The following ADCY2 variants were observed in gnomAD, a reference collection of about 807,000 sequenced individuals.
The protein encoded by ADCY2 is adenylate cyclase 2, also known as adenylate cyclase type 2.
In ADCY2, 31 loss-of-function variants were observed where a neutral mutation model predicts 125.2. That is an observed-to-expected ratio of 0.25 (90% CI 0.19 to 0.33). The LOEUF is 0.33. ADCY2 is among the 10% of genes least tolerant of loss of function. ADCY2 has a pLI of 1.00. For synonymous variants in ADCY2, 512 were observed against 548.4 expected (o/e 0.93, Z 0.93); for missense variants, 904 against 1,418.2 (o/e 0.64, Z 5.82).
chr5:7,520,646 T>C (rs1327481114), intron 2 of ADCY2, 92 bp from the exon 3 acceptor site: 16 of 1,391,992 alleles, frequency 1.1e-5, no homozygotes, highest in Admixed American at 1.1e-4. Flanking sequence ...TGTCTCATGC[T>C]GTTCTATGCA....
At chr5:7,598,275 C>T (rs1244839063) in intron 3 of ADCY2, among the ~76,000 whole-genome samples, 1 of 152,122 alleles carries the variant, frequency 6.6e-6, no homozygotes, top group Non-Finnish European at 1.5e-5. Context: ...AGGCCAGACT[C>T]GTGGGTAACC....
chr5:7,593,415 C>T lies in ADCY2; in HGVS notation c.571-32752C>T, dbSNP rs551536979. Among the ~76,000 whole-genome samples, 8 of 152,188 alleles carry T rather than the reference C, an allele frequency of 5.3e-5. 1 individual carries two copies. In the South Asian group the frequency reaches 1.4e-3, roughly 28 times the overall value. On this transcript the variant is annotated intron_variant, in intron 3 of 24. Coordinates refer to ENST00000338316, the MANE Select transcript of ADCY2 (RefSeq NM_020546.3). ...TGGCTTGATCCTGGCCAAGGCCGTT[C>T]GCATGCAAACAGAAAAGGCGTGGAG...
chr5:7,638,561 A>C (rs1457396714), intron 4 of ADCY2, among the ~76,000 whole-genome samples: 1 of 152,168 alleles, frequency 6.6e-6, no homozygotes, highest in Non-Finnish European at 1.5e-5. Flanking sequence ...GAAACAAAAC[A>C]CACTCCCAGC....
At chr5:7,757,323 T>C (rs2126457960) in intron 15 of ADCY2, 126 bp from the exon 16 acceptor site, 1 of 1,235,198 alleles carries the variant, frequency 8.1e-7, no homozygotes, top group Non-Finnish European at 1.1e-6. Context: ...CAGGGGAGGA[T>C]AGAATCTACA....
chr5:7,779,934 C>T (rs74488857), intron 18 of ADCY2, among the ~76,000 whole-genome samples: 2,664 of 152,236 alleles, frequency 0.017, 27 homozygotes, highest in Non-Finnish European at 0.029. Flanking sequence ...GCCCTTGATA[C>T]GGAGCGTGGG....
intron 2 of ADCY2, among the ~76,000 whole-genome samples, chr5:7,467,979 A>G (rs1168616056): frequency 2.0e-5 from 3 of 152,380 alleles, no homozygotes; most frequent in East Asian, 1.9e-4. Context: ...TTTATAAACC[A>G]TAATTCCATA....
chr5:7,499,751 A>G (rs1241452785), intron 2 of ADCY2, among the ~76,000 whole-genome samples: 1 of 148,484 alleles, frequency 6.7e-6, no homozygotes, highest in Non-Finnish European at 1.5e-5. Context: ...AAAATACAAA[A>G]TATATATTCT....
intron 3 of ADCY2, among the ~76,000 whole-genome samples, chr5:7,593,388 G>C (rs1736908455): frequency 6.6e-6 from 1 of 152,218 alleles, no homozygotes; most frequent in Non-Finnish European, 1.5e-5. Flanking sequence ...TAAAGAGGTT[G>C]TTGGCTTGAT....
Position 7,708,578 on chromosome 5 carries a change from A to G in ADCY2, c.1402-633A>G, listed in dbSNP as rs146253749. On this transcript the variant is annotated intron_variant, in intron 9 of 24. Coordinates refer to ENST00000338316, the MANE Select transcript of ADCY2 (RefSeq NM_020546.3). ...TCTTCCCAAATTACACAGCTGGTAA[A>G]TGGTGCAAATATCAGCAAGAAAGAC... Among the ~76,000 whole-genome samples the G allele has an allele frequency of 4.2e-3, 634 of 152,314 alleles. 5 individuals are homozygous for G. The highest frequency in any genetic ancestry group is 0.013 in the African/African-American group (555 of 41,568).
chr5:7,593,200 G>T (rs1214336526), intron 3 of ADCY2, among the ~76,000 whole-genome samples: 2 of 152,086 alleles, frequency 1.3e-5, no homozygotes, highest in Non-Finnish European at 2.9e-5. Flanking sequence ...AAAATTCTGG[G>T]CTTCATCTGG....
At chr5:7,404,578 C>T (rs1407910421) in intron 1 of ADCY2, among the ~76,000 whole-genome samples, 1 of 152,204 alleles carries the variant, frequency 6.6e-6, no homozygotes, top group South Asian at 2.1e-4. Context: ...GAAAAGCTTG[C>T]TTCCATGTCT....
At chr5:7,515,952 G>T (rs1744239774) in intron 2 of ADCY2, among the ~76,000 whole-genome samples, 1 of 152,192 alleles carries the variant, frequency 6.6e-6, no homozygotes, top group Non-Finnish European at 1.5e-5. Context: ...TCCATTTTGT[G>T]CAGGTGGTCT....
chr5:7,745,946 G>A (rs577779166), intron 15 of ADCY2, among the ~76,000 whole-genome samples: 175 of 152,276 alleles, frequency 1.1e-3, no homozygotes, highest in Non-Finnish European at 2.0e-3. Flanking sequence ...TGCGTCTGTG[G>A]GAAAGCATTG....
At chr5:7,618,432 C>A (rs1737838564) in intron 3 of ADCY2, among the ~76,000 whole-genome samples, 1 of 152,174 alleles carries the variant, frequency 6.6e-6, no homozygotes, top group African/African-American at 2.4e-5. Context: ...CCACAAAACA[C>A]ATTTTCTCCC....
intron 11 of ADCY2, among the ~76,000 whole-genome samples, chr5:7,714,457 A>G (rs953103167): frequency 6.6e-6 from 1 of 152,228 alleles, no homozygotes. Flanking sequence ...TTTTATTTGC[A>G]CTAGGCTATA....
intron 1 of ADCY2, among the ~76,000 whole-genome samples, chr5:7,410,185 C>T (rs1739655183): frequency 6.6e-6 from 1 of 152,112 alleles, no homozygotes; most frequent in Non-Finnish European, 1.5e-5. Context: ...AAAATCACAG[C>T]AGGAAGTGAT....
intron 3 of ADCY2, among the ~76,000 whole-genome samples, chr5:7,590,980 A>G (rs1736834372): frequency 6.6e-6 from 1 of 152,174 alleles, no homozygotes; most frequent in African/African-American, 2.4e-5. Flanking sequence ...GGATTCTTAT[A>G]TTTTAAAGGT....
At position 7,677,849 on chromosome 5, in the gene ADCY2, C is replaced by T. The variant is rs972909965; in HGVS notation, c.721-12842C>T. Reference sequence around the variant, plus strand: ...ATAGATGATTGAAATATTAATGCTTCCTAAACCAAGCCAGGCTTGAGCTCA... The same window carrying T: ...ATAGATGATTGAAATATTAATGCTTTCTAAACCAAGCCAGGCTTGAGCTCA... On this transcript the variant is annotated intron_variant, in intron 4 of 24. Transcript: ENST00000338316. 2.0e-5 allele frequency among the ~76,000 whole-genome samples: 3 copies of T among 152,158 alleles called. No homozygotes were observed. The East Asian group carries it at 5.8e-4, about 29-fold the overall frequency.
chr5:7,643,375 G>A (rs567616783), intron 4 of ADCY2, among the ~76,000 whole-genome samples: 1 of 151,880 alleles, frequency 6.6e-6, no homozygotes, highest in African/African-American at 2.4e-5. Context: ...TCACTCTAGT[G>A]CTTTCTACCT....
Sources: allele counts gnomAD v4.1 joint callset (sites outside exome capture counted in the v4.1 genomes callset), GRCh38; gene constraint gnomAD v4.1.1; transcripts MANE v1.5; gene names NCBI Gene and HGNC (gene_info 2026-07-23, HGNC 2026-07-21).